The following POU6F2 variants were observed in gnomAD, a reference collection of about 807,000 sequenced individuals.
POU6F2 encodes POU domain, class 6, transcription factor 2.
In POU6F2, 31 loss-of-function variants were observed where a neutral mutation model predicts 71.3. The observed-to-expected ratio is 0.43, with a 90% CI of 0.33 to 0.59. POU6F2 has a LOEUF of 0.59. Among genes scored for constraint, POU6F2 ranks in the 20% least tolerant of loss-of-function variants. The pLI is 0.04. For synonymous variants in POU6F2, 347 were observed against 355.7 expected, an observed-to-expected ratio of 0.98 and a Z score of 0.27; for missense variants, 783 against 856.8, an observed-to-expected ratio of 0.91 and a Z score of 1.07.
chr7:39,323,735 CA>C (rs1785447208), intron 4 of POU6F2, among the ~76,000 whole-genome samples: 1 of 152,066 alleles, frequency 6.6e-6, no homozygotes, highest in African/African-American at 2.4e-5. Context: ...GGGCACTTGG[CA>C]AATGGCTTGA....
At chr7:39,380,725 G>A (rs967576148) in intron 5 of POU6F2, among the ~76,000 whole-genome samples, 7 of 152,162 alleles carry the variant, frequency 4.6e-5, no homozygotes, top group African/African-American at 7.2e-5. Flanking sequence ...AAAAGCTGCC[G>A]AAGTGCTGCT....
chr7:39,351,363 T>C (rs1256575065), intron 5 of POU6F2, among the ~76,000 whole-genome samples: 1 of 152,216 alleles, frequency 6.6e-6, no homozygotes, highest in Non-Finnish European at 1.5e-5. Flanking sequence ...ACCCTGTCTG[T>C]GCTTTGTCAG....
At chr7:39,043,507 C>A (rs1038941410) in intron 1 of POU6F2, among the ~76,000 whole-genome samples, 2 of 151,786 alleles carry the variant, frequency 1.3e-5, no homozygotes, top group Non-Finnish European at 2.9e-5. Context: ...ATCAAACAGG[C>A]AAAATTGCAT....
chr7:39,112,071 T>C (rs2128725743), intron 2 of POU6F2, among the ~76,000 whole-genome samples: 1 of 152,248 alleles, frequency 6.6e-6, no homozygotes, highest in African/African-American at 2.4e-5. Context: ...TTGCTATAGA[T>C]GGGATTCAGA....
intron 8 of POU6F2, among the ~76,000 whole-genome samples, chr7:39,454,385 G>A (rs1049966037): frequency 6.6e-6 from 1 of 151,650 alleles, no homozygotes; most frequent in Non-Finnish European, 1.5e-5. Context: ...ATGGAGGTGG[G>A]GCTAAAAGCT....
chr7:39,001,672 TGGTG>T (rs1788911668), intron 1 of POU6F2, among the ~76,000 whole-genome samples: 1 of 982 alleles, frequency 1.0e-3, no homozygotes, highest in African/African-American at 3.7e-3. Context: ...GTGGTGGTGA[TGGTG>T]ATGGTGATGG....
intron 4 of POU6F2, among the ~76,000 whole-genome samples, chr7:39,309,739 G>A (rs1237125121): frequency 5.3e-5 from 8 of 152,108 alleles, no homozygotes; most frequent in Admixed American, 1.3e-4. Flanking sequence ...AACTATATAC[G>A]AGTTGGTGAC....
In POU6F2 at chr7:39,032,845, A is replaced by C. The variant is rs575213755; in HGVS notation, c.106-53015A>C. 3.3e-5 allele frequency among the ~76,000 whole-genome samples: 5 copies of C among 152,334 alleles called. 1 individual carries two copies. The South Asian group carries it at 8.3e-4, about 25-fold the overall frequency. On this transcript the variant is annotated intron_variant, in intron 1 of 9. Transcript: ENST00000518318. Reference sequence around the variant, plus strand: ...TATAACCAGAGAGCCTCCTGGGAGCAGTCGGTCCACTCCTAGGCTTGTTTT... The same window carrying C: ...TATAACCAGAGAGCCTCCTGGGAGCCGTCGGTCCACTCCTAGGCTTGTTTT...
At chr7:39,087,625 C>T (rs1584536340) in intron 2 of POU6F2, among the ~76,000 whole-genome samples, 1 of 152,008 alleles carries the variant, frequency 6.6e-6, no homozygotes, top group African/African-American at 2.4e-5. Context: ...AAAGCCATGC[C>T]CATGCCCCTC....
intron 4 of POU6F2, among the ~76,000 whole-genome samples, chr7:39,233,575 G>A (rs1198849202): frequency 6.6e-6 from 1 of 152,190 alleles, no homozygotes; most frequent in African/African-American, 2.4e-5. Context: ...GAGGGCTAGA[G>A]GATGATGATC....
chr7:39,213,313 C>T (rs764449316), intron 4 of POU6F2, among the ~76,000 whole-genome samples: 2 of 152,174 alleles, frequency 1.3e-5, no homozygotes, highest in Non-Finnish European at 2.9e-5. Flanking sequence ...AAATTAAAGC[C>T]TGTGGATGCT....
At chr7:39,107,425 CTG>C (rs1443542319) in intron 2 of POU6F2, among the ~76,000 whole-genome samples, 1 of 152,000 alleles carries the variant, frequency 6.6e-6, no homozygotes, top group Non-Finnish European at 1.5e-5. Flanking sequence ...CTTTTGTAGA[CTG>C]TTAGATAAGA....
chr7:39,399,874 AAG>A (rs373596036), intron 5 of POU6F2, among the ~76,000 whole-genome samples: 17,019 of 77,594 alleles, frequency 0.22, 1,230 homozygotes, highest in East Asian at 0.42. Context: ...AAAAAAAAGA[AAG>A]AAAGAAAGAA....
chr7:39,007,496 T>A (rs1038991401), intron 1 of POU6F2, among the ~76,000 whole-genome samples: 23 of 152,340 alleles, frequency 1.5e-4, no homozygotes, highest in African/African-American at 4.3e-4. Context: ...ATCTCCAGTT[T>A]TCTAATTGCT....
intron 2 of POU6F2, among the ~76,000 whole-genome samples, chr7:39,190,417 T>TAAAAAAAAAAAAAAAAAA (rs57872350): frequency 1.7e-5 from 1 of 59,892 alleles, no homozygotes; most frequent in African/African-American, 7.4e-5. Flanking sequence ...CTCCTTTTCT[T>TAAAAAAAAAAAAAAAAAA]AAAAAAAAAA....
chr7:39,265,191 G>C (rs189933656), intron 4 of POU6F2, among the ~76,000 whole-genome samples: 198 of 152,204 alleles, frequency 1.3e-3, no homozygotes, highest in African/African-American at 4.4e-3. Context: ...GGACCCTCTG[G>C]TTCTGAATTT....
At chr7:39,086,173 C>T (rs1791241725) in intron 2 of POU6F2, 142 bp downstream of exon 2, 3 of 870,548 alleles carry the variant, frequency 3.4e-6, no homozygotes, top group Non-Finnish European at 5.0e-6. Context: ...GGTGCTAAGC[C>T]ACTGAAGCTG....
rs1178071307 is a variant in POU6F2, at chr7:39,022,681, TG to T, written c.105+44624del. ...ATCTGTGATATTCATTGTTTTCACA[TG>T]TATTGGGACTTTCCCCCGCTTTTTC... On this transcript the variant is annotated intron_variant, in intron 1 of 9. Transcript: ENST00000518318. Among the ~76,000 whole-genome samples, 9 of 152,288 alleles carry T rather than the reference TG, an allele frequency of 5.9e-5. No homozygotes were observed. In the East Asian group the frequency reaches 1.7e-3, roughly 29 times the overall value.
intron 4 of POU6F2, among the ~76,000 whole-genome samples, chr7:39,316,006 C>T (rs1785260844): frequency 6.6e-6 from 1 of 152,078 alleles, no homozygotes; most frequent in Non-Finnish European, 1.5e-5. Context: ...TTGAGGAGGC[C>T]CTTCCTTGAG....
Sources: gnomAD v4.1 joint callset for allele counts (sites outside exome capture counted in the v4.1 genomes callset) on GRCh38, gnomAD v4.1.1 for gene constraint, MANE v1.5 for transcripts, NCBI Gene and HGNC (gene_info 2026-07-23, HGNC 2026-07-21) for gene names.